The following POM121 variants were observed in gnomAD, a reference collection of about 807,000 sequenced individuals.
POM121 encodes POM121 transmembrane nucleoporin.
A neutral mutation model predicts 81.3 loss-of-function variants in POM121; 32 were observed. That is an observed-to-expected ratio of 0.39 (90% CI 0.30 to 0.53). POM121 has a LOEUF of 0.53. POM121 is among the 20% of genes least tolerant of loss of function. POM121 has a pLI of 0.66. For synonymous variants in POM121, 514 were observed against 694.2 expected, an observed-to-expected ratio of 0.74 and a Z score of 4.08; for missense variants, 1,138 against 1,614.6, an observed-to-expected ratio of 0.70 and a Z score of 5.06.
intron 3 of POM121, among the ~76,000 whole-genome samples, chr7:72,894,470 C>G (rs1257997293): frequency 6.6e-6 from 1 of 151,192 alleles, no homozygotes; most frequent in African/African-American, 2.4e-5. Flanking sequence ...CCCAGCTAGT[C>G]AGGAGGCTGA....
In POM121 at chr7:72,946,158, C is replaced by G. The variant is rs782068910; in HGVS notation, c.3674C>G (p.Ser1225Cys). 1.2e-6 allele frequency: 2 copies of G among 1,611,682 alleles called. No homozygotes were observed. The highest frequency in any genetic ancestry group is 3.3e-5 in the Admixed American group (2 of 59,966). Residue 1225 changes from serine to cysteine, a missense_variant, in exon 13 of 13, where the codon TCC (serine) becomes TGC (cysteine). Physicochemically the swap from Ser to Cys is moderately radical, Grantham distance 112. Transcript: ENST00000434423. ...CCAGGATCGGCGGCCCTTTCATTTTCCATTGGTGCGGGATCCAAGACCCCA... is the reference window on the plus strand; with the variant it reads ...CCAGGATCGGCGGCCCTTTCATTTTGCATTGGTGCGGGATCCAAGACCCCA... ...APFGSAALSF[S>C]IGAGSKTPGA...
rs1167797355 is a variant in POM121, at chr7:72,946,292, T to G, written c.*58T>G. 1.3e-6 allele frequency: 2 copies of G among 1,599,934 alleles called. No homozygotes were observed. Among genetic ancestry groups the G allele is most frequent in the African/African-American group, 2.7e-5 (2 of 74,356 alleles). ...TTCCCTAAATCTGGACCTTGGCACCTGCTAGGAAGAGCCTTGGACCCTTCC... is the reference window on the plus strand; with the variant it reads ...TTCCCTAAATCTGGACCTTGGCACCGGCTAGGAAGAGCCTTGGACCCTTCC... On this transcript the variant is annotated 3_prime_UTR_variant, in exon 13 of 13. Coordinates refer to ENST00000434423, the MANE Select transcript of POM121 (RefSeq NM_001387691.1).
At chr7:72,941,716 G>A in intron 10 of POM121, 121 bp from the exon 11 acceptor site, 22 of 1,210,856 alleles carry the variant, frequency 1.8e-5, no homozygotes, top group Non-Finnish European at 2.5e-5. Context: ...ACTTAGCTGA[G>A]TTTATTGACT....
intron 3 of POM121, among the ~76,000 whole-genome samples, chr7:72,911,595 G>A (rs1300606072): frequency 2.6e-5 from 4 of 152,134 alleles, no homozygotes; most frequent in Non-Finnish European, 4.4e-5. Flanking sequence ...GCTCTGGCTC[G>A]TGCGACCTCT....
At chr7:72,884,798 G>A (rs1554489831) in intron 1 of POM121, among the ~76,000 whole-genome samples, 2 of 150,842 alleles carry the variant, frequency 1.3e-5, no homozygotes, top group Non-Finnish European at 1.5e-5. Context: ...TTTGAGAGTG[G>A]GTATAACGTG....
chr7:72,895,354 C>G (rs550747349), intron 3 of POM121, among the ~76,000 whole-genome samples: 13 of 152,306 alleles, frequency 8.5e-5, no homozygotes, highest in African/African-American at 3.1e-4. Context: ...CCTGTGCGTT[C>G]ACTAAATTCA....
chr7:72,927,074 T>C, intron 3 of POM121, 111 bp downstream of exon 3: 1 of 1,542,732 alleles, frequency 6.5e-7, no homozygotes, highest in Non-Finnish European at 8.9e-7. Flanking sequence ...TGAGCCTTCG[T>C]AGGCCCCCTT....
At chr7:72,910,071 A>G (rs1554494021) in intron 3 of POM121, among the ~76,000 whole-genome samples, 2 of 152,216 alleles carry the variant, frequency 1.3e-5, no homozygotes, top group Admixed American at 6.5e-5. Context: ...ACTTCTACAC[A>G]TATTTAACCC....
chr7:72,883,499 C>G (rs2906943), intron 1 of POM121, among the ~76,000 whole-genome samples: 9 of 152,156 alleles, frequency 5.9e-5, no homozygotes, highest in South Asian at 2.1e-4. Context: ...CCATAATACT[C>G]TCTTTCTTAA....
chr7:72,930,097 C>T lies in POM121; in HGVS notation c.1261C>T (p.Arg421Ter), dbSNP rs782682880. 5 of 1,610,522 alleles carry T rather than the reference C, an allele frequency of 3.1e-6. No individual in the cohort carries two copies. The highest frequency in any genetic ancestry group is 4.2e-6 in the Non-Finnish European group (5 of 1,178,472). Residue 421 changes from arginine to a stop codon, truncating the protein, a stop_gained, in exon 5 of 13, where the codon CGA becomes TGA. Transcript: ENST00000434423. LOFTEE classifies it high-confidence loss of function. ...CATTACCAGTTCCTACAGCTCCACT[C>T]GAGGCATCTCACAGGTACAAGTACA... Reference protein sequence around the residue: ...NAITSSYSSTRGISQLWKRNG... With the variant: ...NAITSSYSST
chr7:72,900,420 T>C (rs374869351), intron 3 of POM121, among the ~76,000 whole-genome samples: 2 of 152,014 alleles, frequency 1.3e-5, no homozygotes, highest in African/African-American at 4.8e-5. Context: ...TTTTAATTGA[T>C]CTTTTCGAAG....
intron 5 of POM121, among the ~76,000 whole-genome samples, chr7:72,933,441 A>C (rs2530498): frequency 3.9e-5 from 6 of 152,242 alleles, no homozygotes; most frequent in African/African-American, 7.2e-5. Context: ...TTCTGTTTCC[A>C]TGAGTCTTAG....
At chr7:72,894,942 C>T (rs1791790421) in intron 3 of POM121, among the ~76,000 whole-genome samples, 5 of 152,198 alleles carry the variant, frequency 3.3e-5, no homozygotes, top group Admixed American at 2.6e-4. Context: ...ACCCTCCCAC[C>T]TCAGCTTCCA....
intron 4 of POM121, among the ~76,000 whole-genome samples, chr7:72,928,688 TAA>T (rs1258262122): frequency 3.9e-5 from 6 of 152,184 alleles, no homozygotes; most frequent in Non-Finnish European, 8.8e-5. Flanking sequence ...TGCTGAGACT[TAA>T]GAGGTTTTAT....
chr7:72,948,051 A>G lies in POM121; in HGVS notation c.*1817A>G, dbSNP rs1797810494. ...CTTCTACCTGTACCTTATGTAAGGT[A>G]GACCCTCCTAGTGTCAGTACCTGAG... On this transcript the variant is annotated 3_prime_UTR_variant, in exon 13 of 13. Coordinates refer to ENST00000434423, the MANE Select transcript of POM121 (RefSeq NM_001387691.1). The G allele has an allele frequency of 8.0e-7, 1 of 1,254,660 alleles. No homozygotes were observed. Among genetic ancestry groups the G allele is most frequent in the Non-Finnish European group, 1.0e-6 (1 of 991,574 alleles). 77.7% of individuals were successfully genotyped at this position (1,254,660 alleles called of 1,614,324 possible).
intron 5 of POM121, among the ~76,000 whole-genome samples, chr7:72,935,206 T>C (rs1344691677): frequency 1.3e-5 from 2 of 151,996 alleles, no homozygotes; most frequent in Non-Finnish European, 2.9e-5. Flanking sequence ...GGGGTCTTGC[T>C]CTGTGGCCCA....
At chr7:72,949,752 A>G (rs1194022150), downstream of POM121, 15 of 835,406 alleles carry the variant, frequency 1.8e-5, 1 homozygote, top group African/African-American at 2.2e-4. Context: ...GCAGCAGGAA[A>G]GAGTTAAGCG....
Position 72,946,324 on chromosome 7 carries a change from G to A in POM121, c.*90G>A, listed in dbSNP as rs1278485798. 22 of 1,521,106 alleles carry A rather than the reference G, an allele frequency of 1.4e-5. 1 individual carries two copies. Among genetic ancestry groups the A allele is most frequent in the Non-Finnish European group, 1.6e-5 (18 of 1,133,224 alleles). 94.2% of individuals were successfully genotyped at this position (1,521,106 alleles called of 1,614,324 possible). A position where few individuals can be genotyped will look rare whatever the true frequency, so the allele number is the denominator to read the frequency against. On this transcript the variant is annotated 3_prime_UTR_variant, in exon 13 of 13. Transcript: ENST00000434423. The stretch of plus-strand genomic sequence containing the variant: ...AAGAGCCTTGGACCCTTCCAGTTGC[G>A]TAAAGCAAACCTACCCCGGATCTCT...
In POM121 at chr7:72,925,542, C is replaced by G; in HGVS notation, c.421C>G (p.Leu141Val). Residue 141 changes from leucine to valine, a missense_variant, in exon 1 of 13, where the codon CTG becomes GTG. Coordinates refer to ENST00000434423, the MANE Select transcript of POM121 (RefSeq NM_001387691.1). Reference sequence around the variant, plus strand: ...GGAACTGCTACTCATGGGCAGTTACCTGGGCAAGCCCGGGCCGCCGCAGCC... The same window carrying G: ...GGAACTGCTACTCATGGGCAGTTACGTGGGCAAGCCCGGGCCGCCGCAGCC... Reference protein sequence around the residue: ...PAELLLMGSYLGKPGPPQPAA... With the variant: ...PAELLLMGSYVGKPGPPQPAA... 6.5e-7 allele frequency: 1 copy of G among 1,529,864 alleles called. No homozygotes were observed. The allele number at this position is 1,529,864 out of a possible 1,614,324, so 94.8% of individuals were successfully genotyped here. A position where few individuals can be genotyped will look rare whatever the true frequency, so the allele number is the denominator to read the frequency against.
Sources: gnomAD v4.1 joint callset for allele counts (sites outside exome capture counted in the v4.1 genomes callset) on GRCh38, gnomAD v4.1.1 for gene constraint, MANE v1.5 for transcripts, NCBI Gene and HGNC (gene_info 2026-07-23, HGNC 2026-07-21) for gene names.